MYO16: variants seen among roughly 807,000 people sequenced by gnomAD.
MYO16 encodes unconventional myosin-XVI.
MYO16 carries 94 observed loss-of-function variants against 205.3 expected under a neutral mutation model. That is an observed-to-expected ratio of 0.46 (90% CI 0.39 to 0.54). The LOEUF (loss-of-function observed/expected upper bound fraction) is 0.54. Among genes scored for constraint, MYO16 ranks in the 20% least tolerant of loss-of-function variants. The pLI, the probability that MYO16 is intolerant of heterozygous loss-of-function variation, is 0.00. For missense variants in MYO16, 2,315 were observed against 2,387.5 expected (o/e 0.97, Z 0.63); for synonymous variants, 988 against 954.0 (o/e 1.04, Z -0.66).
chr13:108,714,897 C>T (rs1275094433), intron 3 of MYO16, among the ~76,000 whole-genome samples: 2 of 152,132 alleles, frequency 1.3e-5, no homozygotes, highest in Non-Finnish European at 2.9e-5. Context: ...TCGACAGCTG[C>T]CAGTCGGTTT....
intron 31 of MYO16, among the ~76,000 whole-genome samples, chr13:109,128,017 A>G (rs1876349841): frequency 6.6e-6 from 1 of 152,230 alleles, no homozygotes; most frequent in Non-Finnish European, 1.5e-5. Context: ...CTAGATTATA[A>G]AAGTTTCTGC....
At chr13:108,531,157 A>G in the MYO16 span, among the ~76,000 whole-genome samples, 2 of 152,226 alleles carry the variant, frequency 1.3e-5, no homozygotes, top group Admixed American at 1.3e-4. Context: ...ACAGTGGAGA[A>G]GATAGTTTAA....
chr13:109,120,037 A>C (rs1030454814), intron 28 of MYO16, among the ~76,000 whole-genome samples: 1 of 152,232 alleles, frequency 6.6e-6, no homozygotes, highest in African/African-American at 2.4e-5. Context: ...TTCTCTCTCT[A>C]GAATGGGAGA....
At chr13:108,919,690 T>G (rs939367273) in intron 16 of MYO16, among the ~76,000 whole-genome samples, 2 of 152,232 alleles carry the variant, frequency 1.3e-5, no homozygotes, top group South Asian at 4.1e-4. Context: ...GTCAGTCAGT[T>G]AAATGTCACA....
At chr13:108,915,693 G>T (rs527318903) in intron 16 of MYO16, among the ~76,000 whole-genome samples, 1 of 152,202 alleles carries the variant, frequency 6.6e-6, no homozygotes, top group African/African-American at 2.4e-5. Context: ...GAAAAGCTAG[G>T]TTCCTAAATC....
intron 1 of MYO16, among the ~76,000 whole-genome samples, chr13:108,660,387 C>T (rs1233821443): frequency 6.6e-6 from 1 of 152,136 alleles, no homozygotes; most frequent in South Asian, 2.1e-4. Flanking sequence ...TGGAGTCCCC[C>T]ACTATCATTG....
In MYO16 at chr13:108,806,823, T is replaced by A; in HGVS notation, c.867+19T>A. On this transcript the variant is annotated intron_variant, in intron 7 of 34. Transcript: ENST00000457511. ...TGGCCAGGTAGAGTGATTTGCTGAA[T>A]TCTTTAAAAAATAATTTTATATAAT... 1 of 1,450,456 alleles carries A rather than the reference T, an allele frequency of 6.9e-7. No individual in the cohort carries two copies. The highest frequency in any genetic ancestry group is 1.7e-5 in the South Asian group (1 of 58,158). The allele number at this position is 1,450,456 out of a possible 1,614,324, so 89.8% of individuals were successfully genotyped here. A position where few individuals can be genotyped will look rare whatever the true frequency, so the allele number is the denominator to read the frequency against.
chr13:108,873,723 CCCATGCCAACCACCAGGACAGGGT>C (rs1879187438), intron 12 of MYO16, among the ~76,000 whole-genome samples: 1 of 118,842 alleles, frequency 8.4e-6, no homozygotes, highest in Admixed American at 8.7e-5. Flanking sequence ...CAGGACAGGG[CCCATGCCAACCACCAGGACAGGGT>C]CCATCCCAAC....
chr13:108,719,803 A>G (rs370597422), intron 3 of MYO16, among the ~76,000 whole-genome samples: 4 of 152,138 alleles, frequency 2.6e-5, no homozygotes, highest in African/African-American at 9.7e-5. Context: ...CATAAACCTC[A>G]CAATATCAAA....
intron 12 of MYO16, among the ~76,000 whole-genome samples, chr13:108,877,496 G>A (rs1879382008): frequency 6.6e-6 from 1 of 152,210 alleles, no homozygotes; most frequent in South Asian, 2.1e-4. Flanking sequence ...GTGCCTGTGA[G>A]GTGCTGAGGA....
chr13:109,163,843 T>C (rs752488710), intron 32 of MYO16: 2 of 152,192 alleles, frequency 1.3e-5, no homozygotes, highest in East Asian at 1.9e-4. Context: ...GTGATTGGGA[T>C]TGGGGTGGTA....
intron 20 of MYO16, among the ~76,000 whole-genome samples, chr13:108,972,133 C>T (rs1436698809): frequency 7.1e-6 from 1 of 140,986 alleles, no homozygotes; most frequent in Admixed American, 7.2e-5. Flanking sequence ...TTGCTTCAGC[C>T]CAGGACGGTG....
intron 33 of MYO16, among the ~76,000 whole-genome samples, chr13:109,172,859 G>C (rs950904198): frequency 6.6e-6 from 1 of 152,104 alleles, no homozygotes; most frequent in Admixed American, 6.6e-5. Flanking sequence ...CAGTGAATTC[G>C]TTTCTCTGAA....
At chr13:108,550,807 G>A in the MYO16 span, among the ~76,000 whole-genome samples, 3 of 152,164 alleles carry the variant, frequency 2.0e-5, no homozygotes, top group Non-Finnish European at 4.4e-5. Flanking sequence ...TGGGAGAAAA[G>A]CATTATATTA....
chr13:109,093,116 AC>A (rs1357152436), intron 27 of MYO16, among the ~76,000 whole-genome samples: 1 of 152,172 alleles, frequency 6.6e-6, no homozygotes, highest in Non-Finnish European at 1.5e-5. Flanking sequence ...GACGAATGGG[AC>A]TCATGTTAGA....
chr13:109,206,936 C>A lies in MYO16; in HGVS notation c.*100C>A. 3 of 991,918 alleles carry A rather than the reference C, an allele frequency of 3.0e-6. No homozygotes were observed. The highest frequency in any genetic ancestry group is 2.4e-5 in the Admixed American group (1 of 41,520). The allele number at this position is 991,918 out of a possible 1,614,324, so 61.4% of individuals were successfully genotyped here. On this transcript the variant is annotated 3_prime_UTR_variant, in exon 35 of 35. Coordinates refer to ENST00000457511, the MANE Select transcript of MYO16 (RefSeq NM_001198950.3). Reference sequence around the variant, plus strand: ...TGACATGCGCTGGGGCTTCTCTCCACGCATTTAGACAAAAAAAGCACAGGA... The same window carrying A: ...TGACATGCGCTGGGGCTTCTCTCCAAGCATTTAGACAAAAAAAGCACAGGA...
At chr13:108,740,405 G>C (rs952885485) in intron 4 of MYO16, among the ~76,000 whole-genome samples, 1 of 152,214 alleles carries the variant, frequency 6.6e-6, no homozygotes, top group Admixed American at 6.5e-5. Flanking sequence ...GTTCACTCCA[G>C]ACCCTATTTG....
Position 108,779,105 on chromosome 13 carries a change from A to T in MYO16, c.508-6530A>T, listed in dbSNP as rs552501369. Among the ~76,000 whole-genome samples the T allele has an allele frequency of 3.0e-4, 46 of 152,316 alleles. No individual in the cohort carries two copies. The South Asian group carries it at 9.1e-3, about 30-fold the overall frequency. On this transcript the variant is annotated intron_variant, in intron 4 of 34. Transcript: ENST00000457511. ...TTCAGGACAGTCAACCACAGGTAACAGCTTGATTACCTTGATTATTTTAGT... is the reference window on the plus strand; with the variant it reads ...TTCAGGACAGTCAACCACAGGTAACTGCTTGATTACCTTGATTATTTTAGT...
At chr13:108,773,579 A>G (rs1342636628) in intron 4 of MYO16, among the ~76,000 whole-genome samples, 2 of 152,076 alleles carry the variant, frequency 1.3e-5, no homozygotes, top group East Asian at 3.9e-4. Context: ...CTCTCTTCTT[A>G]CAAGGATACT....
Sources: allele counts gnomAD v4.1 joint callset (sites outside exome capture counted in the v4.1 genomes callset), GRCh38; gene constraint gnomAD v4.1.1; transcripts MANE v1.5; gene names NCBI Gene and HGNC (gene_info 2026-07-23, HGNC 2026-07-21).